The following RAP1A variants were observed in gnomAD, a reference collection of about 807,000 sequenced individuals.
RAP1A encodes the protein RAP1A, member of RAS oncogene family.
In RAP1A, 6 loss-of-function variants were observed where a neutral mutation model predicts 26.4. The observed-to-expected ratio is 0.23, with a 90% confidence interval of 0.12 to 0.45. The LOEUF is 0.45. RAP1A is among the 20% of genes least tolerant of loss of function. The pLI, the probability that RAP1A is intolerant of heterozygous loss-of-function variation, is 0.99. For synonymous variants in RAP1A, 73 were observed against 79.4 expected, an observed-to-expected ratio of 0.92 and a Z score of 0.43; for missense variants, 121 against 217.2, an observed-to-expected ratio of 0.56 and a Z score of 2.78.
chr1:111,684,039 A>C (rs891093450), intron 1 of RAP1A, among the ~76,000 whole-genome samples: 6 of 152,226 alleles, frequency 3.9e-5, no homozygotes, highest in African/African-American at 1.4e-4. Context: ...TCCATCACAT[A>C]AACAGAACCA....
intron 1 of RAP1A, among the ~76,000 whole-genome samples, chr1:111,656,088 A>C (rs745694726): frequency 1.8e-4 from 28 of 152,210 alleles, no homozygotes; most frequent in Non-Finnish European, 3.4e-4. Context: ...GATTCATTGC[A>C]GCATTATCTG....
rs531636645 is a variant in RAP1A, at chr1:111,562,231, A to G, written c.-28+19722A>G. On this transcript the variant is annotated intron_variant, in intron 1 of 7. Transcript: ENST00000356415. Reference sequence around the variant, plus strand: ...TTCTGACCCCACCACTTCTTCCCCTATGTTCCACATCCATATCATTTTGTA... The same window carrying G: ...TTCTGACCCCACCACTTCTTCCCCTGTGTTCCACATCCATATCATTTTGTA... 9.2e-5 allele frequency among the ~76,000 whole-genome samples: 14 copies of G among 152,144 alleles called. No homozygotes were observed. In the South Asian group the frequency reaches 2.9e-3, roughly 32 times the overall value.
intron 1 of RAP1A, among the ~76,000 whole-genome samples, chr1:111,567,777 A>G (rs1470549199): frequency 1.3e-5 from 2 of 152,374 alleles, no homozygotes; most frequent in East Asian, 3.9e-4. Flanking sequence ...AGGCCTTGCC[A>G]GAACATACTG....
chr1:111,603,174 A>G (rs1658704059), intron 1 of RAP1A, among the ~76,000 whole-genome samples: 1 of 152,328 alleles, frequency 6.6e-6, no homozygotes, highest in East Asian at 1.9e-4. Context: ...ACTGACACAT[A>G]CAAGTGCTGA....
intron 1 of RAP1A, among the ~76,000 whole-genome samples, chr1:111,671,871 G>A (rs1022893706): frequency 1.3e-5 from 2 of 152,142 alleles, no homozygotes; most frequent in Non-Finnish European, 2.9e-5. Flanking sequence ...GGATTATTTA[G>A]AATTCTGTTT....
intron 1 of RAP1A, among the ~76,000 whole-genome samples, chr1:111,589,244 G>C (rs1658429681): frequency 6.6e-6 from 1 of 152,122 alleles, no homozygotes; most frequent in Admixed American, 6.5e-5. Flanking sequence ...GTATACCTTA[G>C]GCAATTCAGG....
At chr1:111,646,560 G>C (rs1480559709) in intron 1 of RAP1A, among the ~76,000 whole-genome samples, 1 of 148,402 alleles carries the variant, frequency 6.7e-6, no homozygotes, top group African/African-American at 2.5e-5. Context: ...CTTTTTTTTT[G>C]GACGGAGTCT....
intron 1 of RAP1A, among the ~76,000 whole-genome samples, chr1:111,623,088 G>C (rs576646148): frequency 3.8e-4 from 58 of 152,130 alleles, no homozygotes; most frequent in African/African-American, 1.4e-3. Context: ...TGCAATCTTG[G>C]CTCACTGCAA....
intron 1 of RAP1A, among the ~76,000 whole-genome samples, chr1:111,634,481 C>G (rs1213833946): frequency 6.6e-6 from 1 of 150,440 alleles, no homozygotes; most frequent in African/African-American, 2.4e-5. Flanking sequence ...ACCAAAAGAC[C>G]TAGATTATTA....
chr1:111,585,573 C>A (rs1436850773), intron 1 of RAP1A, among the ~76,000 whole-genome samples: 2 of 152,098 alleles, frequency 1.3e-5, no homozygotes, highest in East Asian at 3.9e-4. Flanking sequence ...ACTCCTTTTG[C>A]CATGAGGCAA....
At chr1:111,704,566 AT>A in intron 6 of RAP1A, 80 bp downstream of exon 6, 1 of 1,388,498 alleles carries the variant, frequency 7.2e-7, no homozygotes, top group Non-Finnish European at 9.6e-7. Flanking sequence ...TTAAGAAAAA[AT>A]TTTTATCTTT....
intron 1 of RAP1A, among the ~76,000 whole-genome samples, chr1:111,650,713 A>G (rs1490136664): frequency 6.6e-6 from 1 of 152,226 alleles, no homozygotes; most frequent in Non-Finnish European, 1.5e-5. Context: ...TGCAGAGTCC[A>G]TAGTTTACCT....
chr1:111,686,350 A>G (rs1271254994), intron 1 of RAP1A, among the ~76,000 whole-genome samples: 5 of 152,098 alleles, frequency 3.3e-5, no homozygotes, highest in Non-Finnish European at 7.4e-5. Context: ...TATAATTCCA[A>G]CACTTTGGGA....
chr1:111,636,433 T>C (rs574918060), intron 1 of RAP1A, among the ~76,000 whole-genome samples: 2 of 152,094 alleles, frequency 1.3e-5, no homozygotes, highest in South Asian at 4.1e-4. Flanking sequence ...TTGCGCCCAG[T>C]GGAGATAATG....
chr1:111,674,035 A>G (rs1307587445), intron 1 of RAP1A, among the ~76,000 whole-genome samples: 1 of 152,226 alleles, frequency 6.6e-6, no homozygotes, highest in East Asian at 1.9e-4. Flanking sequence ...TAATTTGACC[A>G]TCTCTGAGTT....
chr1:111,545,649 G>T (rs1337291065), intron 1 of RAP1A, among the ~76,000 whole-genome samples: 1 of 151,944 alleles, frequency 6.6e-6, no homozygotes, highest in Non-Finnish European at 1.5e-5. Context: ...TTCTCTATTT[G>T]TCTTTTATTG....
At chr1:111,620,775 T>C (rs1659177590) in intron 1 of RAP1A, among the ~76,000 whole-genome samples, 3 of 152,192 alleles carry the variant, frequency 2.0e-5, no homozygotes, top group Non-Finnish European at 4.4e-5. Context: ...TCCTTCAAAC[T>C]AGCGGCTTGG....
At chr1:111,645,571 G>C (rs1476147301) in intron 1 of RAP1A, among the ~76,000 whole-genome samples, 1 of 152,196 alleles carries the variant, frequency 6.6e-6, no homozygotes, top group Non-Finnish European at 1.5e-5. Context: ...GGAATACATG[G>C]AATAGAGGAA....
chr1:111,623,912 C>T (rs767137352), intron 1 of RAP1A, among the ~76,000 whole-genome samples: 2 of 152,154 alleles, frequency 1.3e-5, no homozygotes, highest in Non-Finnish European at 2.9e-5. Flanking sequence ...AAGCACCTTG[C>T]TCTGTTTCTG....
Sources: gnomAD v4.1 joint callset for allele counts (sites outside exome capture counted in the v4.1 genomes callset) on GRCh38, gnomAD v4.1.1 for gene constraint, MANE v1.5 for transcripts, NCBI Gene and HGNC (gene_info 2026-07-23, HGNC 2026-07-21) for gene names.